The following FRAS1 variants were observed in gnomAD, a reference collection of about 807,000 sequenced individuals.
FRAS1 encodes extracellular matrix organizing protein FRAS1.
In FRAS1, 290 loss-of-function variants were observed where a neutral mutation model predicts 435.2. The observed-to-expected ratio is 0.67, with a 90% CI of 0.61 to 0.73. The LOEUF (loss-of-function observed/expected upper bound fraction) is 0.73, where lower values mean the gene tolerates loss of function less well. Among genes scored for constraint, FRAS1 ranks in the 30% least tolerant of loss-of-function variants. The pLI, the probability that FRAS1 is intolerant of heterozygous loss-of-function variation, is 0.00. For missense variants in FRAS1, 4,860 were observed against 5,001.5 expected, an observed-to-expected ratio of 0.97 and a Z score of 0.85; for synonymous variants, 1,800 against 1,851.0, an observed-to-expected ratio of 0.97 and a Z score of 0.71.
intron 2 of FRAS1, among the ~76,000 whole-genome samples, chr4:78,211,259 A>G (rs1478885182): frequency 6.6e-6 from 1 of 152,182 alleles, no homozygotes; most frequent in Non-Finnish European, 1.5e-5. Context: ...ATCACTGTCT[A>G]AATGTGTAAA....
chr4:78,399,737 A>T (rs917094663), intron 29 of FRAS1, among the ~76,000 whole-genome samples: 1 of 152,058 alleles, frequency 6.6e-6, no homozygotes, highest in African/African-American at 2.4e-5. Context: ...CGATGAATTT[A>T]CCATTGGATT....
chr4:78,321,407 G>A (rs1423595842), intron 18 of FRAS1, among the ~76,000 whole-genome samples: 3 of 152,158 alleles, frequency 2.0e-5, no homozygotes, highest in Non-Finnish European at 4.4e-5. Flanking sequence ...AGAGTTCAAG[G>A]TGGTACAGCT....
At chr4:78,286,170 C>G (rs1560627780) in intron 13 of FRAS1, 1 of 639,426 alleles carries the variant, frequency 1.6e-6, no homozygotes, top group Non-Finnish European at 2.9e-6. Flanking sequence ...TTAATAATAT[C>G]TACCTCCTAG....
Position 78,094,471 on chromosome 4 carries a change from G to A in FRAS1, c.108+28455G>A, listed in dbSNP as rs190396573. On this transcript the variant is annotated intron_variant, in intron 2 of 73. Coordinates refer to ENST00000512123, the MANE Select transcript of FRAS1 (RefSeq NM_025074.7). ...TCTACATTATATTAAATATATTTTT[G>A]GATTTTAGGTGAATTTTAGCTTACC... is the stretch of plus-strand genomic sequence containing the variant. Among the ~76,000 whole-genome samples the A allele has an allele frequency of 1.9e-3, 281 of 151,380 alleles. 1 individual carries two copies. Among genetic ancestry groups the A allele is most frequent in the Middle Eastern group, 3.4e-3 (1 of 292 alleles).
intron 2 of FRAS1, among the ~76,000 whole-genome samples, chr4:78,179,943 C>CTT (rs1721927100): frequency 6.6e-6 from 1 of 152,208 alleles, no homozygotes; most frequent in Non-Finnish European, 1.5e-5. Context: ...ATGAAGCTTG[C>CTT]TTTTTGACTA....
At chr4:78,195,305 C>T (rs542998781) in intron 2 of FRAS1, among the ~76,000 whole-genome samples, 2 of 152,348 alleles carry the variant, frequency 1.3e-5, no homozygotes, top group South Asian at 2.1e-4. Context: ...AAGCTGTCAG[C>T]CAGGGACATT....
intron 2 of FRAS1, among the ~76,000 whole-genome samples, chr4:78,225,951 A>G (rs1026496808): frequency 6.6e-6 from 1 of 152,120 alleles, no homozygotes; most frequent in Non-Finnish European, 1.5e-5. Flanking sequence ...TGTTACTCCC[A>G]TTCTGTATAT....
intron 1 of FRAS1, among the ~76,000 whole-genome samples, chr4:78,059,052 T>A (rs1047197215): frequency 6.6e-6 from 1 of 152,162 alleles, no homozygotes; most frequent in Non-Finnish European, 1.5e-5. Context: ...CTCCATTCAT[T>A]ATTCATCCAG....
chr4:78,304,456 G>T (rs1728598025), intron 14 of FRAS1, among the ~76,000 whole-genome samples: 1 of 152,142 alleles, frequency 6.6e-6, no homozygotes, highest in African/African-American at 2.4e-5. Context: ...GTTCCTCCTT[G>T]TACCTCTGGT....
intron 2 of FRAS1, among the ~76,000 whole-genome samples, chr4:78,150,334 T>C (rs1560550888): frequency 6.6e-6 from 1 of 152,228 alleles, no homozygotes; most frequent in Non-Finnish European, 1.5e-5. Context: ...TACTATTCCC[T>C]GTATATAAAG....
chr4:78,098,554 C>T (rs565416868), intron 2 of FRAS1, among the ~76,000 whole-genome samples: 12 of 152,220 alleles, frequency 7.9e-5, no homozygotes, highest in African/African-American at 2.6e-4. Context: ...GGATTACAGG[C>T]GTGAACCACC....
intron 2 of FRAS1, among the ~76,000 whole-genome samples, chr4:78,105,191 C>A (rs1161582763): frequency 6.6e-6 from 1 of 152,168 alleles, no homozygotes; most frequent in African/African-American, 2.4e-5. Context: ...TTGGCAGAGT[C>A]CTCTGAAGAG....
chr4:78,333,125 G>C, intron 18 of FRAS1, 147 bp from the exon 19 acceptor site: 1 of 811,136 alleles, frequency 1.2e-6, no homozygotes, highest in Non-Finnish European at 1.8e-6. Flanking sequence ...AGAGGGAAGT[G>C]TGTGAGATGT....
chr4:78,517,822 A>G (rs1721256444), intron 66 of FRAS1, among the ~76,000 whole-genome samples: 1 of 152,228 alleles, frequency 6.6e-6, no homozygotes, highest in African/African-American at 2.4e-5. Flanking sequence ...AGGAAAAATT[A>G]ATTTTGCCAA....
intron 2 of FRAS1, among the ~76,000 whole-genome samples, chr4:78,127,701 T>C (rs1214689924): frequency 6.6e-6 from 1 of 151,794 alleles, no homozygotes; most frequent in Non-Finnish European, 1.5e-5. Flanking sequence ...AAGAGGATCG[T>C]TTAGAGGAAG....
intron 66 of FRAS1, among the ~76,000 whole-genome samples, chr4:78,518,078 C>T (rs11725573): frequency 0.14 from 21,169 of 151,872 alleles, 1,775 homozygotes; most frequent in Non-Finnish European, 0.2. Flanking sequence ...GATGGAGTCA[C>T]TGCATTCTAG....
chr4:78,472,447 C>T, intron 52 of FRAS1, 117 bp downstream of exon 52: 1 of 854,650 alleles, frequency 1.2e-6, no homozygotes, highest in South Asian at 2.5e-5. Flanking sequence ...AACCACTTTG[C>T]AGAGATCTTC....
At chr4:78,345,420 T>C (rs1304385329) in intron 20 of FRAS1, among the ~76,000 whole-genome samples, 3 of 152,168 alleles carry the variant, frequency 2.0e-5, no homozygotes, top group Non-Finnish European at 2.9e-5. Context: ...ATGCCTCATA[T>C]GATAATTATG....
intron 2 of FRAS1, among the ~76,000 whole-genome samples, chr4:78,097,095 G>A (rs1032645216): frequency 1.3e-5 from 2 of 152,070 alleles, no homozygotes; most frequent in Admixed American, 6.5e-5. Context: ...TCTCTCTCAA[G>A]TTCAAGGTTT....
Sources: gnomAD v4.1 joint callset for allele counts (sites outside exome capture counted in the v4.1 genomes callset) on GRCh38, gnomAD v4.1.1 for gene constraint, MANE v1.5 for transcripts, NCBI Gene and HGNC (gene_info 2026-07-23, HGNC 2026-07-21) for gene names.